The following NAV1 variants were observed in gnomAD, a reference collection of about 807,000 sequenced individuals.
NAV1 encodes neuron navigator 1.
In NAV1, 18 loss-of-function variants were observed where a neutral mutation model predicts 175.2. The ratio of observed to expected loss-of-function variants is 0.10; its 90% CI spans 0.07 to 0.15. The LOEUF (loss-of-function observed/expected upper bound fraction) is 0.15, where lower values mean the gene tolerates loss of function less well. NAV1 is among the 10% of genes least tolerant of loss of function. NAV1 has a pLI of 1.00. For synonymous variants in NAV1, 897 were observed against 978.7 expected (o/e 0.92, Z 1.56); for missense variants, 1,731 against 2,436.6 (o/e 0.71, Z 6.10).
intron 1 of NAV1, among the ~76,000 whole-genome samples, chr1:201,667,039 G>C (rs1481977222): frequency 6.6e-6 from 1 of 151,514 alleles, no homozygotes; most frequent in Non-Finnish European, 1.5e-5. Context: ...TGTGGGCGCA[G>C]CTGAGGCTGA....
chr1:201,775,930 G>A (rs1190021974), intron 3 of NAV1, among the ~76,000 whole-genome samples: 4 of 151,908 alleles, frequency 2.6e-5, no homozygotes, highest in Admixed American at 6.6e-5. Flanking sequence ...GGTAGCACAC[G>A]CCTATAATCC....
intron 1 of NAV1, among the ~76,000 whole-genome samples, chr1:201,698,324 A>T (rs1671274020): frequency 6.6e-6 from 1 of 152,174 alleles, no homozygotes; most frequent in Non-Finnish European, 1.5e-5. Context: ...ATGATGCCTG[A>T]CCACAGCTGC....
At chr1:201,741,792 G>A (rs1017623062) in intron 3 of NAV1, among the ~76,000 whole-genome samples, 6 of 152,020 alleles carry the variant, frequency 3.9e-5, no homozygotes, top group Admixed American at 2.6e-4. Context: ...TATTCTCCCC[G>A]CCTCCTTCCT....
intron 11 of NAV1, 91 bp from the exon 16 acceptor site, chr1:201,790,463 T>G: frequency 6.9e-7 from 1 of 1,451,302 alleles, no homozygotes; most frequent in Non-Finnish European, 9.6e-7. Flanking sequence ...TCTTCACATT[T>G]CCTACCCTGC....
At chr1:201,642,167 C>CCCTTCCTTCCTTCCTTCCTT (rs1553246977) in intron 2 of NAV1, among the ~76,000 whole-genome samples, 1 of 116,446 alleles carries the variant, frequency 8.6e-6, no homozygotes, top group African/African-American at 3.6e-5. Flanking sequence ...TCTCTCCCCT[C>CCCTTCCTTCCTTCCTTCCTT]CCTTCCTTCC....
intron 1 of NAV1, among the ~76,000 whole-genome samples, chr1:201,674,593 G>A (rs769234263): frequency 2.0e-5 from 3 of 152,190 alleles, no homozygotes; most frequent in African/African-American, 4.8e-5. Context: ...AGGAAGCATG[G>A]TGCAGGCATC....
intron 1 of NAV1, among the ~76,000 whole-genome samples, chr1:201,578,383 G>C (rs1364966554): frequency 6.6e-6 from 1 of 152,144 alleles, no homozygotes; most frequent in Non-Finnish European, 1.5e-5. Context: ...CCTGGGCTAG[G>C]GGTAGGAGTT....
intron 29 of NAV1, among the ~76,000 whole-genome samples, chr1:201,817,582 C>T (rs1571523095): frequency 6.6e-6 from 1 of 152,132 alleles, no homozygotes; most frequent in African/African-American, 2.4e-5. Context: ...CAGTGAGGAG[C>T]TCTAAATATC....
intron 1 of NAV1, among the ~76,000 whole-genome samples, chr1:201,653,455 A>C (rs1316394316): frequency 6.6e-6 from 1 of 152,050 alleles, no homozygotes. Flanking sequence ...GAAGAAAGGC[A>C]GGAAGCTATT....
chr1:201,709,490 T>C (rs1440179530), intron 1 of NAV1, among the ~76,000 whole-genome samples: 1 of 152,202 alleles, frequency 6.6e-6, no homozygotes, highest in Non-Finnish European at 1.5e-5. Flanking sequence ...GCCTTTCTTT[T>C]GTACACAGGT....
rs762452787 is a variant in NAV1, at chr1:201,642,525, T to TTTTCTTTCTTTCTTTCTTTCTTTC, written c.5-6101_5-6078dup. Among the ~76,000 whole-genome samples, 57 of 100,412 alleles carry TTTTCTTTCTTTCTTTCTTTCTTTC rather than the reference T, an allele frequency of 5.7e-4. 1 individual carries two copies. Among genetic ancestry groups the TTTTCTTTCTTTCTTTCTTTCTTTC allele is most frequent in the African/African-American group, 2.1e-3 (48 of 23,220 alleles). The allele number at this position is 100,412 out of a possible 152,430, so 65.9% of individuals were successfully genotyped here. On this transcript the variant is annotated intron_variant, in intron 2 of 29. Coordinates refer to the NAV1 transcript ENST00000367302. ...CCGCACCCGGCCTCTTTCTTTCTTT[T>TTTTCTTTCTTTCTTTCTTTCTTTC]TTTCTTTCTTTCTTTCTTTCTTTCT...
chr1:201,788,497 A>G lies in NAV1; in HGVS notation c.3025A>G (p.Ile1009Val). 1 of 1,614,104 alleles carries G rather than the reference A, an allele frequency of 6.2e-7. No individual in the cohort carries two copies. Among genetic ancestry groups the G allele is most frequent in the South Asian group, 1.1e-5 (1 of 91,082 alleles). The change falls in exon 10 of 30, where the codon ATC becomes GTC. Residue 1009 changes from isoleucine to valine, a missense_variant. By Grantham distance (29) the Ile-to-Val change is conservative. Coordinates refer to ENST00000367296, the Ensembl canonical transcript of NAV1. This position sits in a 1 kb window ranked among gnomAD's most constrained non-coding sequence, Gnocchi z 5.7. Reference sequence around the variant, plus strand: ...TCCCACTGCGGCCACCACGCCAAGAATCACCCGCTCCAACAGCATCCCCAC... The same window carrying G: ...TCCCACTGCGGCCACCACGCCAAGAGTCACCCGCTCCAACAGCATCCCCAC...
At chr1:201,634,594 A>C (rs898907872) in intron 2 of NAV1, among the ~76,000 whole-genome samples, 4 of 152,196 alleles carry the variant, frequency 2.6e-5, no homozygotes, top group African/African-American at 9.7e-5. Context: ...AGGGGTTTGA[A>C]ATAGAAACTG....
upstream of NAV1, among the ~76,000 whole-genome samples, chr1:201,647,246 A>T (rs1669005245): frequency 6.6e-6 from 1 of 152,170 alleles, no homozygotes; most frequent in South Asian, 2.1e-4. Context: ...CAAACTGCAG[A>T]CTACTCCATC....
At position 201,759,151 on chromosome 1, in the gene NAV1, CATTG is replaced by C. The variant is rs1674686955; in HGVS notation, c.1227-21266_1227-21263del. Among the ~76,000 whole-genome samples the C allele has an allele frequency of 1.3e-5, 2 of 152,132 alleles. 1 individual carries two copies. The highest frequency in any genetic ancestry group is 4.1e-4 in the South Asian group (2 of 4,828). ...TCCCAAAAAAAGATTAGATTATTTG[CATTG>C]ATTAGCCTACATCTGGCAGCTCCAC... On this transcript the variant is annotated intron_variant, in intron 3 of 29. Coordinates refer to ENST00000367296, the Ensembl canonical transcript of NAV1.
chr1:201,641,335 T>C (rs2102313622), intron 2 of NAV1, among the ~76,000 whole-genome samples: 1 of 152,334 alleles, frequency 6.6e-6, no homozygotes, highest in African/African-American at 2.4e-5. Flanking sequence ...TGCAACTGCT[T>C]CTGCCCTTGA....
chr1:201,598,958 G>A (rs1417545441), intron 2 of NAV1, among the ~76,000 whole-genome samples: 1 of 152,168 alleles, frequency 6.6e-6, no homozygotes, highest in African/African-American at 2.4e-5. Flanking sequence ...TTATCAGGTG[G>A]GGCATTGGCA....
chr1:201,648,131 G>A (rs1307901247), upstream of NAV1: 1 of 507,466 alleles, frequency 2.0e-6, no homozygotes, highest in Non-Finnish European at 2.5e-6. Flanking sequence ...CCCTCCTCCT[G>A]TTTGCTCCCC....
At chr1:201,647,059 G>A (rs1264811084), upstream of NAV1, among the ~76,000 whole-genome samples, 1 of 152,164 alleles carries the variant, frequency 6.6e-6, no homozygotes, top group Non-Finnish European at 1.5e-5. Context: ...AGTTCTTAGG[G>A]CTTTATAATC....
Sources: allele counts gnomAD v4.1 joint callset (sites outside exome capture counted in the v4.1 genomes callset), GRCh38; gene constraint gnomAD v4.1.1; non-coding constraint Gnocchi (gnomAD v3.1); transcripts MANE v1.5; gene names NCBI Gene and HGNC (gene_info 2026-07-23, HGNC 2026-07-21).